NLGN1: variants seen among roughly 807,000 people sequenced by gnomAD.
The protein encoded by NLGN1 is neuroligin-1.
NLGN1 carries 12 observed loss-of-function variants against 65.5 expected under a neutral mutation model. That is an observed-to-expected ratio of 0.18 (90% CI 0.12 to 0.30). NLGN1 has a LOEUF of 0.30. Among genes scored for constraint, NLGN1 ranks in the 10% least tolerant of loss-of-function variants. The pLI is 1.00. For missense variants in NLGN1, 750 were observed against 1,007.1 expected (o/e 0.74, Z 3.46); for synonymous variants, 350 against 359.5 (o/e 0.97, Z 0.30).
intron 4 of NLGN1, among the ~76,000 whole-genome samples, chr3:173,901,364 T>G (rs4894635): frequency 0.34 from 44,963 of 131,662 alleles, 8,072 homozygotes; most frequent in East Asian, 0.69. Context: ...GTATTTTTTT[T>G]GGGGGGGTGT....
intron 4 of NLGN1, among the ~76,000 whole-genome samples, chr3:174,009,986 G>C (rs1299411271): frequency 6.6e-6 from 1 of 152,166 alleles, no homozygotes; most frequent in African/African-American, 2.4e-5. Context: ...AGGTTAGAGA[G>C]AAGATTGGGA....
chr3:173,766,158 G>A (rs1439041621), intron 3 of NLGN1, among the ~76,000 whole-genome samples: 4 of 149,220 alleles, frequency 2.7e-5, no homozygotes, highest in African/African-American at 9.9e-5. Flanking sequence ...GCGCCATCTC[G>A]GCTCACTGCA....
At chr3:173,946,318 G>A (rs1747139244) in intron 4 of NLGN1, among the ~76,000 whole-genome samples, 2 of 152,122 alleles carry the variant, frequency 1.3e-5, no homozygotes, top group Non-Finnish European at 2.9e-5. Flanking sequence ...GTTTGGTTGT[G>A]TGTGTGTGTA....
chr3:173,783,538 G>A (rs1044118598), intron 3 of NLGN1, among the ~76,000 whole-genome samples: 2 of 152,158 alleles, frequency 1.3e-5, no homozygotes, highest in Non-Finnish European at 2.9e-5. Flanking sequence ...TAGCGCCATA[G>A]GCCACTCACT....
intron 2 of NLGN1, among the ~76,000 whole-genome samples, chr3:173,555,502 C>G (rs2149277093): frequency 6.6e-6 from 1 of 152,148 alleles, no homozygotes; most frequent in South Asian, 2.1e-4. Context: ...GTTTTTGAGA[C>G]TAGGTCTCAC....
intron 3 of NLGN1, among the ~76,000 whole-genome samples, chr3:173,773,505 T>G (rs1236472043): frequency 6.6e-6 from 1 of 152,198 alleles, no homozygotes; most frequent in Non-Finnish European, 1.5e-5. Context: ...TTTAAAAAAG[T>G]ATAGTGCCAT....
intron 4 of NLGN1, among the ~76,000 whole-genome samples, chr3:173,855,285 A>G (rs1727746645): frequency 1.3e-5 from 2 of 152,128 alleles, no homozygotes; most frequent in African/African-American, 4.8e-5. Context: ...TAAAGTGAAA[A>G]TATTTTCTGC....
At chr3:173,791,685 G>A (rs752160831) in intron 3 of NLGN1, among the ~76,000 whole-genome samples, 8 of 151,926 alleles carry the variant, frequency 5.3e-5, no homozygotes, top group Non-Finnish European at 8.8e-5. Context: ...CTTAAAACAG[G>A]TCTATGCTAC....
chr3:173,502,213 G>A (rs1461913434), intron 2 of NLGN1, among the ~76,000 whole-genome samples: 1 of 152,040 alleles, frequency 6.6e-6, no homozygotes, highest in Non-Finnish European at 1.5e-5. Context: ...ATGTTCAGAA[G>A]TGATTATTAA....
At chr3:173,826,233 G>A (rs1301560743) in intron 4 of NLGN1, among the ~76,000 whole-genome samples, 1 of 152,036 alleles carries the variant, frequency 6.6e-6, no homozygotes, top group African/African-American at 2.4e-5. Flanking sequence ...TGTCCTCCAT[G>A]TGACATTTCT....
intron 2 of NLGN1, among the ~76,000 whole-genome samples, chr3:173,602,938 A>C (rs1750779205): frequency 6.6e-6 from 1 of 152,134 alleles, no homozygotes; most frequent in African/African-American, 2.4e-5. Context: ...TTTCACAGCA[A>C]AGGTATGTGA....
At chr3:173,603,340 C>T (rs2149444039) in intron 2 of NLGN1, among the ~76,000 whole-genome samples, 1 of 152,180 alleles carries the variant, frequency 6.6e-6, no homozygotes, top group South Asian at 2.1e-4. Flanking sequence ...TTAAGTTGAA[C>T]TGTGTAAACA....
At chr3:173,769,811 A>T (rs1178569549) in intron 3 of NLGN1, among the ~76,000 whole-genome samples, 1 of 152,182 alleles carries the variant, frequency 6.6e-6, no homozygotes, top group East Asian at 1.9e-4. Flanking sequence ...GTTATAATTT[A>T]TTTGAGCTAT....
chr3:173,949,061 A>G (rs1462764018), intron 4 of NLGN1, among the ~76,000 whole-genome samples: 1 of 152,114 alleles, frequency 6.6e-6, no homozygotes, highest in Non-Finnish European at 1.5e-5. Context: ...ATGTAAAAAT[A>G]TATTAACTCA....
chr3:174,289,037 A>G (rs1057253257), downstream of NLGN1, among the ~76,000 whole-genome samples: 1 of 151,412 alleles, frequency 6.6e-6, no homozygotes, highest in Admixed American at 6.6e-5. Flanking sequence ...TCCACCTCAG[A>G]GTAAGGAAAT....
chr3:173,954,963 T>G (rs1711606875), intron 4 of NLGN1, among the ~76,000 whole-genome samples: 1 of 152,126 alleles, frequency 6.6e-6, no homozygotes, highest in Non-Finnish European at 1.5e-5. Flanking sequence ...AATTTTTTTT[T>G]TCAGTCTAGG....
At chr3:173,420,813 C>A (rs505266) in intron 1 of NLGN1, among the ~76,000 whole-genome samples, 48,294 of 152,086 alleles carry the variant, frequency 0.32, 8,281 homozygotes, top group African/African-American at 0.43. Context: ...GCCTATCTTT[C>A]CACACTAATT....
intron 4 of NLGN1, among the ~76,000 whole-genome samples, chr3:173,993,932 A>G (rs995179421): frequency 1.3e-5 from 2 of 151,788 alleles, no homozygotes; most frequent in Non-Finnish European, 2.9e-5. Flanking sequence ...GTGTGTGTGT[A>G]TGTGTGTATA....
intron 3 of NLGN1, among the ~76,000 whole-genome samples, chr3:173,748,035 A>G (rs1775780356): frequency 6.6e-6 from 1 of 151,238 alleles, no homozygotes; most frequent in African/African-American, 2.4e-5. Context: ...CCTGACCTTA[A>G]GTGATCTGCC....
Sources: allele counts gnomAD v4.1 joint callset (sites outside exome capture counted in the v4.1 genomes callset), GRCh38; gene constraint gnomAD v4.1.1; transcripts MANE v1.5; gene names NCBI Gene and HGNC (gene_info 2026-07-23, HGNC 2026-07-21).